CDH4: variants seen among roughly 807,000 people sequenced by gnomAD.
CDH4 encodes cadherin 4.
Under a neutral mutation model 86.0 loss-of-function variants are expected in CDH4, and 33 were observed. That is an observed-to-expected ratio of 0.38 (90% confidence interval 0.29 to 0.51). The LOEUF (loss-of-function observed/expected upper bound fraction) is 0.51. Among genes scored for constraint, CDH4 ranks in the 20% least tolerant of loss-of-function variants. The pLI is 0.86. For synonymous variants in CDH4, 555 were observed against 549.4 expected, an observed-to-expected ratio of 1.01 and a Z score of -0.14; for missense variants, 1,114 against 1,307.4, an observed-to-expected ratio of 0.85 and a Z score of 2.28.
chr20:61,420,706 G>A (rs1413637033), intron 2 of CDH4, among the ~76,000 whole-genome samples: 3 of 152,280 alleles, frequency 2.0e-5, no homozygotes, highest in African/African-American at 7.2e-5. Context: ...AGTGAGCCAG[G>A]TGCCCATGCA....
chr20:61,298,838 A>C (rs535173370), intron 2 of CDH4, among the ~76,000 whole-genome samples: 1 of 152,232 alleles, frequency 6.6e-6, no homozygotes. Flanking sequence ...GGTAACCACA[A>C]AAGCAAGTGC....
chr20:61,564,867 G>A (rs1469341073), intron 2 of CDH4, among the ~76,000 whole-genome samples: 2 of 152,182 alleles, frequency 1.3e-5, no homozygotes, highest in Non-Finnish European at 2.9e-5. Context: ...CGGGGGAGAT[G>A]CGGGAGCATA....
At position 61,334,534 on chromosome 20, in the gene CDH4, C is replaced by T. The variant is rs151264818; in HGVS notation, c.169+79597C>T. ...GGCTGGGATCAAGGCACCAGCAGTT[C>T]GGCATCTGTTCGGCCTCTTTCTCTG... On this transcript the variant is annotated intron_variant, in intron 2 of 15. Coordinates refer to ENST00000614565, the MANE Select transcript of CDH4 (RefSeq NM_001794.5). Among the ~76,000 whole-genome samples the T allele has an allele frequency of 9.2e-4, 140 of 152,308 alleles. No homozygotes were observed. The East Asian group carries it at 0.024, about 26-fold the overall frequency.
At chr20:61,605,498 C>CGTGTCTCTCCCTTT (rs1568709239) in intron 2 of CDH4, among the ~76,000 whole-genome samples, 5 of 150,740 alleles carry the variant, frequency 3.3e-5, no homozygotes, top group Admixed American at 1.3e-4. Flanking sequence ...TCTCTCCCCC[C>CGTGTCTCTCCCTTT]ATGTCTCTCC....
intron 2 of CDH4, among the ~76,000 whole-genome samples, chr20:61,483,794 A>C (rs6061579): frequency 0.032 from 4,805 of 151,896 alleles, 251 homozygotes; most frequent in African/African-American, 0.11. Context: ...CAAGACTTGC[A>C]GAAGAACCAT....
intron 2 of CDH4, among the ~76,000 whole-genome samples, chr20:61,464,603 G>A (rs2145562403): frequency 6.6e-6 from 1 of 152,304 alleles, no homozygotes; most frequent in Middle Eastern, 3.4e-3. Flanking sequence ...GGGCAATTTT[G>A]GACACAGATG....
intron 4 of CDH4, among the ~76,000 whole-genome samples, chr20:61,821,755 A>C (rs1292537286): frequency 6.6e-6 from 1 of 152,228 alleles, no homozygotes; most frequent in Non-Finnish European, 1.5e-5. Context: ...AAAGGAAAAA[A>C]TCCTACAATT....
chr20:61,629,850 G>A lies in CDH4; in HGVS notation c.170-113713G>A, dbSNP rs539160745. 2.1e-3 allele frequency among the ~76,000 whole-genome samples: 313 copies of A among 152,298 alleles called. 2 individuals are homozygous for A. The highest frequency in any genetic ancestry group is 3.9e-3 in the Admixed American group (60 of 15,308). ...GTCCGATGCGGCGCCTTCCTTAGAT[G>A]GTCTTCAGGCCTCTGCAAATGGAAC... On this transcript the variant is annotated intron_variant, in intron 2 of 15. Transcript: ENST00000614565.
rs1292254381 is a variant in CDH4 at position 61,653,176 on chromosome 20, A to G, written c.170-90387A>G. Among the ~76,000 whole-genome samples the G allele has an allele frequency of 7.0e-5, 9 of 128,600 alleles. No individual in the cohort carries two copies. The East Asian group carries it at 1.6e-3, about 23-fold the overall frequency. The allele number at this position is 128,600 out of a possible 152,430, so 84.4% of individuals were successfully genotyped here. Reference sequence around the variant, plus strand: ...CTGCCTTCAAGCATCTGTTTAACAAAGCACATCTTGCACCGCCCTTAATCC... The same window carrying G: ...CTGCCTTCAAGCATCTGTTTAACAAGGCACATCTTGCACCGCCCTTAATCC... On this transcript the variant is annotated intron_variant, in intron 2 of 15. Coordinates refer to ENST00000614565, the MANE Select transcript of CDH4 (RefSeq NM_001794.5).
intron 9 of CDH4, among the ~76,000 whole-genome samples, chr20:61,915,296 G>T (rs114784177): frequency 1.3e-5 from 2 of 152,226 alleles, no homozygotes; most frequent in Admixed American, 1.3e-4. Flanking sequence ...GTTTGAGGCC[G>T]AGGCTGAGGG....
chr20:61,896,068 C>T (rs1289660319), intron 8 of CDH4, among the ~76,000 whole-genome samples: 1 of 152,144 alleles, frequency 6.6e-6, no homozygotes, highest in Admixed American at 6.5e-5. Context: ...CCTAGGCCCC[C>T]GCAGAGCTGT....
At chr20:61,748,221 C>T (rs1449998279) in intron 3 of CDH4, among the ~76,000 whole-genome samples, 3 of 152,202 alleles carry the variant, frequency 2.0e-5, no homozygotes, top group Non-Finnish European at 4.4e-5. Flanking sequence ...CAACCTCCAC[C>T]TCCCGGGTTT....
At chr20:61,509,531 G>A (rs75336643) in intron 2 of CDH4, among the ~76,000 whole-genome samples, 4,554 of 149,924 alleles carry the variant, frequency 0.03, 110 homozygotes, top group Non-Finnish European at 0.047. Context: ...TGAATGTTGA[G>A]CGGGAGGAGG....
intron 2 of CDH4, among the ~76,000 whole-genome samples, chr20:61,492,109 T>G (rs989296237): frequency 3.5e-5 from 5 of 142,772 alleles, no homozygotes; most frequent in East Asian, 1.9e-4. Flanking sequence ...GGTGTTGATG[T>G]TGGTGGTGTC....
At chr20:61,741,790 A>G (rs1390387159) in intron 2 of CDH4, among the ~76,000 whole-genome samples, 1 of 152,054 alleles carries the variant, frequency 6.6e-6, no homozygotes, top group Non-Finnish European at 1.5e-5. Context: ...CACCACGCCC[A>G]GCCTCCCAAA....
At chr20:61,423,191 C>A (rs901479537) in intron 2 of CDH4, among the ~76,000 whole-genome samples, 1 of 152,124 alleles carries the variant, frequency 6.6e-6, no homozygotes, top group African/African-American at 2.4e-5. Context: ...ATGGGACAGA[C>A]CCAGCATCTG....
rs374596329 is a variant in CDH4 at position 61,432,815 on chromosome 20, T to C, written c.169+177878T>C. ...TGTTTTCTTCTGTACCCTTTCTAGTTCTACATTTAAATCCATGATTTTTTT... is the reference window on the plus strand; with the variant it reads ...TGTTTTCTTCTGTACCCTTTCTAGTCCTACATTTAAATCCATGATTTTTTT... On this transcript the variant is annotated intron_variant, in intron 2 of 15. Transcript: ENST00000614565. 4.0e-5 allele frequency among the ~76,000 whole-genome samples: 6 copies of C among 151,716 alleles called. 1 individual carries two copies. Among genetic ancestry groups the C allele is most frequent in the Admixed American group, 2.6e-4 (4 of 15,204 alleles).
rs1489945564 is a variant in CDH4, at chr20:61,811,743, C to T, written c.577-32925C>T. 2.0e-5 allele frequency among the ~76,000 whole-genome samples: 3 copies of T among 150,942 alleles called. No individual in the cohort carries two copies. The highest frequency in any genetic ancestry group is 4.4e-5 in the Non-Finnish European group (3 of 67,858). On this transcript the variant is annotated intron_variant, in intron 4 of 15. Coordinates refer to ENST00000614565, the MANE Select transcript of CDH4 (RefSeq NM_001794.5). This position sits in a 1 kb window ranked among gnomAD's most constrained non-coding sequence, Gnocchi z 4.4. ...CTGGAGTGCAGTGCCACGATCTCCA[C>T]TCACTGCAACCTCTGCCTCCCGGGT...
chr20:61,582,085 C>T lies in CDH4; in HGVS notation c.170-161478C>T, dbSNP rs1295287354. Among the ~76,000 whole-genome samples the T allele has an allele frequency of 6.6e-6, 1 of 152,198 alleles. No homozygotes were observed. The highest frequency in any genetic ancestry group is 2.4e-5 in the African/African-American group (1 of 41,456). On this transcript the variant is annotated intron_variant, in intron 2 of 15. Coordinates refer to ENST00000614565, the MANE Select transcript of CDH4 (RefSeq NM_001794.5). The surrounding 1 kb of genome is among the most constrained non-coding windows in gnomAD (Gnocchi z 4.2). ...CAGCCTGGCTGCGGGTGATCCACTCCCTGTTTTACTTTGCTCGTGGCCATC... is the reference window on the plus strand; with the variant it reads ...CAGCCTGGCTGCGGGTGATCCACTCTCTGTTTTACTTTGCTCGTGGCCATC...
Sources: gnomAD v4.1 joint callset for allele counts (sites outside exome capture counted in the v4.1 genomes callset) on GRCh38, gnomAD v4.1.1 for gene constraint, Gnocchi (gnomAD v3.1) non-coding constraint, MANE v1.5 for transcripts, NCBI Gene and HGNC (gene_info 2026-07-23, HGNC 2026-07-21) for gene names.